Variants in NAALADL2 observed in about 807,000 individuals in gnomAD.
NAALADL2 encodes the protein inactive N-acetylated-alpha-linked acidic dipeptidase-like protein 2.
NAALADL2 carries 76 observed loss-of-function variants against 87.2 expected under a neutral mutation model. The observed-to-expected ratio is 0.87, with a 90% confidence interval of 0.72 to 1.05. NAALADL2 has a LOEUF of 1.05. NAALADL2 is among the 50% of genes least tolerant of loss of function. The pLI, the probability that NAALADL2 is intolerant of heterozygous loss-of-function variation, is 0.00. For missense variants in NAALADL2, 1,089 were observed against 945.8 expected, an observed-to-expected ratio of 1.15 and a Z score of -1.99; for synonymous variants, 354 against 331.0, an observed-to-expected ratio of 1.07 and a Z score of -0.75.
At chr3:175,456,765 CAATT>C (rs1191861209) in intron 6 of NAALADL2, among the ~76,000 whole-genome samples, 2 of 151,964 alleles carry the variant, frequency 1.3e-5, no homozygotes, top group Non-Finnish European at 2.9e-5. Flanking sequence ...TCCACAGACT[CAATT>C]AAACATTTTC....
intron 3 of NAALADL2, among the ~76,000 whole-genome samples, chr3:174,795,893 T>A (rs1331251007): frequency 6.6e-6 from 1 of 152,230 alleles, no homozygotes; most frequent in Non-Finnish European, 1.5e-5. Flanking sequence ...TTTTTATTGT[T>A]GATTTGTAAG....
At chr3:175,480,696 G>T (rs1454250079) in intron 9 of NAALADL2, among the ~76,000 whole-genome samples, 1 of 151,720 alleles carries the variant, frequency 6.6e-6, no homozygotes, top group Non-Finnish European at 1.5e-5. Flanking sequence ...ATATTAATCA[G>T]ATTTCAGTAA....
At chr3:174,852,237 GA>G in intron 3 of NAALADL2, among the ~76,000 whole-genome samples, 1 of 152,078 alleles carries the variant, frequency 6.6e-6, no homozygotes, top group Admixed American at 6.6e-5. Flanking sequence ...TTAGACAAGA[GA>G]AAGAAATAAA....
At chr3:174,887,358 T>C (rs1730290311) in intron 1 of NAALADL2, among the ~76,000 whole-genome samples, 1 of 152,074 alleles carries the variant, frequency 6.6e-6, no homozygotes, top group Admixed American at 6.6e-5. Context: ...ATTATATGTT[T>C]ATTAATCTCT....
chr3:174,446,228 G>T (rs1280793118), intron 1 of NAALADL2, among the ~76,000 whole-genome samples: 1 of 152,116 alleles, frequency 6.6e-6, no homozygotes, highest in Non-Finnish European at 1.5e-5. Context: ...TAGGAATATA[G>T]TAGAGATATT....
chr3:175,383,773 A>G (rs559596494), intron 5 of NAALADL2, among the ~76,000 whole-genome samples: 1 of 152,200 alleles, frequency 6.6e-6, no homozygotes, highest in Non-Finnish European at 1.5e-5. Flanking sequence ...GCATTTGTTG[A>G]GAATTATCAA....
At chr3:174,488,053 C>T (rs992340467) in intron 1 of NAALADL2, among the ~76,000 whole-genome samples, 1 of 151,784 alleles carries the variant, frequency 6.6e-6, no homozygotes, top group Admixed American at 6.6e-5. Flanking sequence ...CAGGTAGAGA[C>T]GATACATTGG....
intron 5 of NAALADL2, among the ~76,000 whole-genome samples, chr3:175,367,521 C>T (rs1486844629): frequency 2.0e-5 from 3 of 152,078 alleles, no homozygotes; most frequent in African/African-American, 7.2e-5. Context: ...TGTTTGTGTC[C>T]TCTTTTATTT....
chr3:175,635,436 A>G (rs1157210546), intron 11 of NAALADL2, among the ~76,000 whole-genome samples: 1 of 152,170 alleles, frequency 6.6e-6, no homozygotes, highest in Non-Finnish European at 1.5e-5. Context: ...TTATAAATAT[A>G]TAAAGACTGA....
chr3:175,000,835 G>A (rs1265501488), intron 1 of NAALADL2, among the ~76,000 whole-genome samples: 12 of 151,888 alleles, frequency 7.9e-5, no homozygotes, highest in Non-Finnish European at 1.5e-5. Flanking sequence ...ACCATGAGAG[G>A]TAAATATTAT....
intron 9 of NAALADL2, chr3:175,487,448 C>A: frequency 2.2e-6 from 1 of 450,546 alleles, no homozygotes; most frequent in Non-Finnish European, 4.5e-6. Flanking sequence ...AGTAATTATT[C>A]TACAAATGAA....
intron 12 of NAALADL2, among the ~76,000 whole-genome samples, chr3:175,754,239 G>A (rs1201736143): frequency 6.6e-6 from 1 of 152,126 alleles, no homozygotes; most frequent in African/African-American, 2.4e-5. Context: ...ACAGATGAGG[G>A]CACTGAGGCT....
chr3:174,685,666 C>T (rs1727961745), intron 2 of NAALADL2, among the ~76,000 whole-genome samples: 1 of 9,952 alleles, frequency 1.0e-4, no homozygotes, highest in African/African-American at 2.7e-4. Context: ...TATCCATTTA[C>T]TTTTATTTAA....
At chr3:174,664,743 G>T (rs555215129) in intron 2 of NAALADL2, among the ~76,000 whole-genome samples, 7 of 152,150 alleles carry the variant, frequency 4.6e-5, no homozygotes, top group Non-Finnish European at 1.0e-4. Flanking sequence ...GAAGTGCTGT[G>T]CTCCTGTGCT....
At chr3:175,717,907 T>C (rs1741570953) in intron 11 of NAALADL2, among the ~76,000 whole-genome samples, 1 of 149,116 alleles carries the variant, frequency 6.7e-6, no homozygotes, top group Non-Finnish European at 1.5e-5. Context: ...CCTCCCGGGC[T>C]CAAGAGATTC....
At chr3:175,132,267 C>G (rs1274107069) in intron 2 of NAALADL2, among the ~76,000 whole-genome samples, 1 of 13,304 alleles carries the variant, frequency 7.5e-5, no homozygotes, top group African/African-American at 7.2e-4. Context: ...GGGGGGCTGA[C>G]CCCCCCACCT....
rs535777944 is a variant in NAALADL2 at position 174,468,658 on chromosome 3, G to A, written c.-184+27626G>A. ...GGCCTCCCAAAGTGCTGGGATTACA[G>A]GTGTGAGCCACTGTGCCTGGTCAGA... On this transcript the variant is annotated intron_variant, in intron 1 of 3. Coordinates refer to the NAALADL2 transcript ENST00000434257. Among the ~76,000 whole-genome samples, 6 of 151,858 alleles carry A rather than the reference G, an allele frequency of 4.0e-5. No homozygotes were observed. In the South Asian group the frequency reaches 1.2e-3, roughly 32 times the overall value.
In NAALADL2 at chr3:175,256,404, C is replaced by T. The variant is rs187527940; in HGVS notation, c.820-7C>T. 6.1e-5 allele frequency: 98 copies of T among 1,601,028 alleles called. No homozygotes were observed. In the African/African-American group the frequency reaches 1.1e-3, roughly 18 times the overall value. On this transcript the variant is annotated splice_region_variant and splice_polypyrimidine_tract_variant and intron_variant, in intron 3 of 13. Coordinates refer to ENST00000454872, the MANE Select transcript of NAALADL2 (RefSeq NM_207015.3). ...TTTATTTTTCTTTGTTTTTTCTCCT[C>T]TTTCAGGCTGAAGTCATCGATGTGA... is the stretch of plus-strand genomic sequence containing the variant.
chr3:174,987,587 A>AAAAAC (rs1746080055), intron 1 of NAALADL2, among the ~76,000 whole-genome samples: 2 of 141,926 alleles, frequency 1.4e-5, no homozygotes, highest in African/African-American at 5.5e-5. Context: ...AAAAAAAAAA[A>AAAAAC]AAAAAAAAAA....
Sources: gnomAD v4.1 joint callset for allele counts (sites outside exome capture counted in the v4.1 genomes callset) on GRCh38, gnomAD v4.1.1 for gene constraint, MANE v1.5 for transcripts, NCBI Gene and HGNC (gene_info 2026-07-23, HGNC 2026-07-21) for gene names.